Variants in SORCS2 observed in about 807,000 individuals in gnomAD.
The protein encoded by SORCS2 is sortilin related VPS10 domain containing receptor 2.
In SORCS2, 100 loss-of-function variants were observed where a neutral mutation model predicts 141.6. The ratio of observed to expected loss-of-function variants is 0.71; its 90% CI spans 0.60 to 0.83. The LOEUF is 0.83. Ranked by LOEUF, SORCS2 falls within the 40% of genes least tolerant of loss-of-function variation. The probability of loss-of-function intolerance (pLI) is 0.00; values close to 1 mark genes in which losing one functional copy is unlikely to be tolerated. For synonymous variants in SORCS2, 789 were observed against 676.9 expected, an observed-to-expected ratio of 1.17 and a Z score of -2.57; for missense variants, 1,646 against 1,560.2, an observed-to-expected ratio of 1.05 and a Z score of -0.93.
chr4:7,384,264 C>T (rs1723157266), intron 1 of SORCS2, among the ~76,000 whole-genome samples: 1 of 152,196 alleles, frequency 6.6e-6, no homozygotes, highest in African/African-American at 2.4e-5. Flanking sequence ...ATGGGGACAA[C>T]ATGGTTCCCA....
rs535413456 is a variant in SORCS2, at chr4:7,600,850, C to T, written c.649-37478C>T. Among the ~76,000 whole-genome samples, 5 of 152,128 alleles carry T rather than the reference C, an allele frequency of 3.3e-5. No individual in the cohort carries two copies. The East Asian group carries it at 9.7e-4, about 29-fold the overall frequency. On this transcript the variant is annotated intron_variant, in intron 3 of 26. Coordinates refer to ENST00000507866, the MANE Select transcript of SORCS2 (RefSeq NM_020777.3). ...ACTAGTTTACTTTGTTAGTTTTTGC[C>T]TGGTATAACTTTCCCTATCTTTTCA...
At chr4:7,687,691 A>T (rs1290894418) in intron 10 of SORCS2, among the ~76,000 whole-genome samples, 1 of 152,050 alleles carries the variant, frequency 6.6e-6, no homozygotes, top group Non-Finnish European at 1.5e-5. Context: ...CTGAATTTTC[A>T]ACCTTTCTTT....
intron 1 of SORCS2, among the ~76,000 whole-genome samples, chr4:7,225,396 A>G (rs537087573): frequency 6.1e-4 from 93 of 152,312 alleles, no homozygotes; most frequent in Non-Finnish European, 1.1e-3. Flanking sequence ...GTTGAATGCA[A>G]AGGAGCACTG....
intron 1 of SORCS2, among the ~76,000 whole-genome samples, chr4:7,218,734 A>AC (rs1414931397): frequency 6.6e-6 from 1 of 152,194 alleles, no homozygotes; most frequent in East Asian, 1.9e-4. Flanking sequence ...CAAGAAGGCA[A>AC]CCCTTCAATA....
At chr4:7,452,928 AGCTGTGTGTTGGGGTCAGGT>A (rs1487669187) in intron 2 of SORCS2, among the ~76,000 whole-genome samples, 44 of 63,954 alleles carry the variant, frequency 6.9e-4, no homozygotes, top group Non-Finnish European at 1.2e-3. Flanking sequence ...TGAGGTCAGG[AGCTGTGTGTTGGGGTCAGGT>A]GCTGTGTGTT....
At chr4:7,588,684 T>G (rs1173587760) in intron 3 of SORCS2, among the ~76,000 whole-genome samples, 1 of 152,030 alleles carries the variant, frequency 6.6e-6, no homozygotes, top group Non-Finnish European at 1.5e-5. Flanking sequence ...AAAACTGGAG[T>G]TGGACATACC....
intron 3 of SORCS2, among the ~76,000 whole-genome samples, chr4:7,563,110 T>A (rs1714721264): frequency 6.6e-6 from 1 of 152,092 alleles, no homozygotes; most frequent in African/African-American, 2.4e-5. Context: ...GGGAGTCTGC[T>A]GACCCCTGGC....
intron 1 of SORCS2, among the ~76,000 whole-genome samples, chr4:7,274,343 C>A (rs1338342559): frequency 6.6e-6 from 1 of 152,160 alleles, no homozygotes; most frequent in Non-Finnish European, 1.5e-5. Flanking sequence ...TCCTGTGCTG[C>A]TATAAGGAAA....
At chr4:7,642,757 C>A (rs1720828112) in intron 4 of SORCS2, among the ~76,000 whole-genome samples, 1 of 152,106 alleles carries the variant, frequency 6.6e-6, no homozygotes, top group African/African-American at 2.4e-5. Context: ...CTGGGCTTTG[C>A]TGCGATTGGC....
intron 2 of SORCS2, among the ~76,000 whole-genome samples, chr4:7,483,322 CAAAAAAAA>C (rs34942012): frequency 8.7e-4 from 66 of 75,784 alleles, no homozygotes; most frequent in African/African-American, 3.2e-3. Context: ...GACTCCATCT[CAAAAAAAA>C]AAAAAAAAAA....
intron 1 of SORCS2, among the ~76,000 whole-genome samples, chr4:7,254,760 C>A (rs1035263286): frequency 6.6e-6 from 1 of 152,120 alleles, no homozygotes; most frequent in Admixed American, 6.5e-5. Flanking sequence ...GGTGACTGGG[C>A]CTGCTTGGAC....
chr4:7,222,257 C>T (rs183517639), intron 1 of SORCS2, among the ~76,000 whole-genome samples: 77 of 152,272 alleles, frequency 5.1e-4, no homozygotes, highest in Middle Eastern at 3.4e-3. Context: ...GCAACAGACA[C>T]GGATGAACAA....
intron 1 of SORCS2, among the ~76,000 whole-genome samples, chr4:7,351,114 C>T (rs1270556998): frequency 6.6e-6 from 1 of 152,176 alleles, no homozygotes; most frequent in Non-Finnish European, 1.5e-5. Flanking sequence ...CGCTACACGC[C>T]CCCCCACTTA....
chr4:7,252,553 A>C (rs1017187363), intron 1 of SORCS2, among the ~76,000 whole-genome samples: 7 of 152,240 alleles, frequency 4.6e-5, no homozygotes, highest in African/African-American at 1.7e-4. Flanking sequence ...TTGACTTTTG[A>C]AAATAAAGGC....
chr4:7,638,751 C>T (rs944854297), intron 4 of SORCS2, among the ~76,000 whole-genome samples: 8 of 152,198 alleles, frequency 5.3e-5, no homozygotes, highest in Non-Finnish European at 8.8e-5. Context: ...CTCAGAGGCT[C>T]AAGAGAGGAA....
At chr4:7,219,485 G>A (rs2108757988) in intron 1 of SORCS2, among the ~76,000 whole-genome samples, 1 of 152,330 alleles carries the variant, frequency 6.6e-6, no homozygotes, top group Admixed American at 6.5e-5. Context: ...AATTTATAAA[G>A]GAAAGAGGTT....
chr4:7,277,722 C>T (rs1183812878), intron 1 of SORCS2, among the ~76,000 whole-genome samples: 3 of 152,192 alleles, frequency 2.0e-5, no homozygotes, highest in Non-Finnish European at 2.9e-5. Flanking sequence ...GGCCAGTCAG[C>T]CTCTGGAGGG....
At chr4:7,343,234 A>T (rs1577423133) in intron 1 of SORCS2, among the ~76,000 whole-genome samples, 2 of 152,282 alleles carry the variant, frequency 1.3e-5, no homozygotes, top group East Asian at 3.9e-4. Flanking sequence ...AGGGAGTCAC[A>T]AGGGCCCATA....
At chr4:7,667,075 C>T in intron 7 of SORCS2, 49 bp from the exon 8 acceptor site, 1 of 1,489,266 alleles carries the variant, frequency 6.7e-7, no homozygotes, top group East Asian at 2.3e-5. Flanking sequence ...GAGACTGTGG[C>T]TGGAGAGGGA....
Sources: gnomAD v4.1 joint callset for allele counts (sites outside exome capture counted in the v4.1 genomes callset) on GRCh38, gnomAD v4.1.1 for gene constraint, MANE v1.5 for transcripts, NCBI Gene and HGNC (gene_info 2026-07-23, HGNC 2026-07-21) for gene names.